Variants in USP19 observed in about 807,000 individuals in gnomAD.
USP19 encodes ubiquitin specific peptidase 19, also known as ubiquitin carboxyl-terminal hydrolase 19.
A neutral mutation model predicts 144.8 loss-of-function variants in USP19; 40 were observed. The ratio of observed to expected loss-of-function variants is 0.28; its 90% CI spans 0.21 to 0.36. The LOEUF is 0.36. Among genes scored for constraint, USP19 ranks in the 10% least tolerant of loss-of-function variants. The probability of loss-of-function intolerance (pLI) is 1.00; values close to 1 mark genes in which losing one functional copy is unlikely to be tolerated. For missense variants in USP19, 1,518 were observed against 1,822.5 expected (o/e 0.83, Z 3.04); for synonymous variants, 701 against 709.3 (o/e 0.99, Z 0.19).
At position 49,112,310 on chromosome 3, in the gene USP19, C is replaced by A. The variant is rs945253135; in HGVS notation, c.2739G>T (p.Arg913=). The A allele has an allele frequency of 3.1e-6, 5 of 1,612,914 alleles. No homozygotes were observed. Among genetic ancestry groups the A allele is most frequent in the Non-Finnish European group, 4.2e-6 (5 of 1,179,488 alleles). ...GGTTGCAGTAGCCCACACGGTAGCA[C>A]CGGGTACAGCGCTTCAGCTTTTCAT... The part of the protein sequence containing the change: ...SEDEKLKRCT[R]CYRVGYCNQL... Residue 913 remains arginine, a synonymous_variant, in exon 19 of 27, where the codon CGG becomes CGT. Transcript: ENST00000417901. The surrounding 1 kb of genome is among the most constrained non-coding windows in gnomAD (Gnocchi z 4.9).
In USP19 at chr3:49,112,297, C is replaced by T; in HGVS notation, c.2752G>A (p.Gly918Ser). ...GGGGGTCCTCACTGGTTGCAGTAGC[C>T]CACACGGTAGCACCGGGTACAGCGC... ...LKRCTRCYRV[G>S]YCNQLCQKTH... The change falls in exon 19 of 27, where the codon GGC (glycine) becomes AGC (serine). Residue 918 changes from glycine (G) to serine (S), a missense_variant. By Grantham distance (56) the Gly-to-Ser change is moderately conservative (BLOSUM62 0). This residue lies in a region of USP19 where 413 missense variants were observed against 515.8 expected (regional missense o/e 0.80). Transcript: ENST00000417901. The surrounding 1 kb of genome is among the most constrained non-coding windows in gnomAD (Gnocchi z 4.9). 6.2e-7 allele frequency: 1 copy of T among 1,610,648 alleles called. No homozygotes were observed. The highest frequency in any genetic ancestry group is 8.5e-7 in the Non-Finnish European group (1 of 1,178,498).
rs2042968427 is a variant in USP19 at position 49,110,399 on chromosome 3, A to G, written c.3860-37T>C. 1 of 1,604,442 alleles carries G rather than the reference A, an allele frequency of 6.2e-7. No homozygotes were observed. Among genetic ancestry groups the G allele is most frequent in the African/African-American group, 1.3e-5 (1 of 74,922 alleles). On this transcript the variant is annotated intron_variant, in intron 25 of 26. Transcript: ENST00000417901. This position sits in a 1 kb window ranked among gnomAD's most constrained non-coding sequence, Gnocchi z 6.1. ...TGGGAAGAGTGTGAACAAAGTCTGC[A>G]CCACCACCCCTACCACCTATCCTGC...
Position 49,119,158 on chromosome 3 carries a change from GGT to G in USP19, c.-15_-14del. The G allele has an allele frequency of 6.2e-7, 1 of 1,609,076 alleles. No individual in the cohort carries two copies. The highest frequency in any genetic ancestry group is 8.5e-7 in the Non-Finnish European group (1 of 1,178,180). ...CCCCGCCAGACATCTTGAGCCGCTT[GGT>G]CGACAGCCAGAGTGCCCCGGGGTCG... is the stretch of plus-strand genomic sequence containing the variant. On this transcript the variant is annotated 5_prime_UTR_variant, in exon 2 of 27. Transcript: ENST00000417901.
Position 49,115,149 on chromosome 3 carries a change from G to A in USP19, c.2023-32C>T, listed in dbSNP as rs1460094560. ...ACAGGAGCCAAGGTGTGAACATGAA[G>A]CCCTAGCACCCACTGCACACCCAGC... On this transcript the variant is annotated intron_variant, in intron 13 of 26. Transcript: ENST00000417901. This position sits in a 1 kb window ranked among gnomAD's most constrained non-coding sequence, Gnocchi z 6.6. The A allele has an allele frequency of 5.0e-6, 8 of 1,613,024 alleles. No individual in the cohort carries two copies. Among genetic ancestry groups the A allele is most frequent in the South Asian group, 3.3e-5 (3 of 91,066 alleles).
At chr3:49,118,919 G>T (rs2044659331) in intron 2 of USP19, 103 bp downstream of exon 2, 1 of 1,544,958 alleles carries the variant, frequency 6.5e-7, no homozygotes, top group Admixed American at 1.8e-5. Flanking sequence ...ATCAAACCAG[G>T]ACAGAGAGAA....
At position 49,115,430 on chromosome 3, in the gene USP19, G is replaced by A. The variant is rs1251059577; in HGVS notation, c.1888+14C>T. On this transcript the variant is annotated intron_variant, in intron 12 of 26. Coordinates refer to ENST00000417901, the MANE Select transcript of USP19 (RefSeq NM_001199161.2). The surrounding 1 kb of genome is among the most constrained non-coding windows in gnomAD (Gnocchi z 6.6). ...CTCTCTGCCCATAACCCAGGCTCCA[G>A]GCCCTGCCCTCACCATGGAAGAAGT... The A allele has an allele frequency of 6.2e-7, 1 of 1,613,850 alleles. No homozygotes were observed. Among genetic ancestry groups the A allele is most frequent in the Admixed American group, 1.7e-5 (1 of 60,022 alleles).
chr3:49,115,189 C>T lies in USP19; in HGVS notation c.2022+39G>A, dbSNP rs1458446178. Reference sequence around the variant, plus strand: ...GCACACCCAGCTGGCTGGCCCTCCCCGCCCCCTCCAGCCAAGGGTGACAGT... The same window carrying T: ...GCACACCCAGCTGGCTGGCCCTCCCTGCCCCCTCCAGCCAAGGGTGACAGT... On this transcript the variant is annotated intron_variant, in intron 13 of 26. Transcript: ENST00000417901. This position sits in a 1 kb window ranked among gnomAD's most constrained non-coding sequence, Gnocchi z 6.6. The T allele has an allele frequency of 5.6e-6, 9 of 1,613,016 alleles. No individual in the cohort carries two copies. The Admixed American group carries it at 6.7e-5, about 12-fold the overall frequency.
Position 49,112,185 on chromosome 3 carries a change from T to C in USP19, c.2765+99A>G. 6.5e-7 allele frequency: 1 copy of C among 1,540,084 alleles called. No individual in the cohort carries two copies. Among genetic ancestry groups the C allele is most frequent in the South Asian group, 1.2e-5 (1 of 83,454 alleles). On this transcript the variant is annotated intron_variant, in intron 19 of 26. Transcript: ENST00000417901. The surrounding 1 kb of genome is among the most constrained non-coding windows in gnomAD (Gnocchi z 4.9). ...GAGCCTGGTAAAGTAGGGTGGCAAG[T>C]AGAAAGCTTAAGCATATGTGCCTTG...
At position 49,111,213 on chromosome 3, in the gene USP19, A is replaced by G; in HGVS notation, c.3328+42T>C. ...GGTCATGCAGCTGTGGAGAACAGCCAGCTCAACCCACCCCATGGCTCCCAC... is the reference window on the plus strand; with the variant it reads ...GGTCATGCAGCTGTGGAGAACAGCCGGCTCAACCCACCCCATGGCTCCCAC... On this transcript the variant is annotated intron_variant, in intron 22 of 26. Coordinates refer to ENST00000417901, the MANE Select transcript of USP19 (RefSeq NM_001199161.2). This position sits in a 1 kb window ranked among gnomAD's most constrained non-coding sequence, Gnocchi z 5.9. The G allele has an allele frequency of 1.9e-6, 3 of 1,614,010 alleles. No individual in the cohort carries two copies. Among genetic ancestry groups the G allele is most frequent in the Non-Finnish European group, 2.5e-6 (3 of 1,179,952 alleles).
At position 49,117,871 on chromosome 3, in the gene USP19, A is replaced by T; in HGVS notation, c.299-41T>A. ...AGGTAACAGAGACCCAGCCTAATGA[A>T]ACTGCTTCAGATGGGAGCCAAATTG... On this transcript the variant is annotated intron_variant, in intron 3 of 26. Transcript: ENST00000417901. This position sits in a 1 kb window ranked among gnomAD's most constrained non-coding sequence, Gnocchi z 4.4. The T allele has an allele frequency of 6.2e-7, 1 of 1,613,594 alleles. No homozygotes were observed.
rs1267951348 is a variant in USP19 at position 49,120,737 on chromosome 3, T to C, written c.-137+19A>G. The C allele has an allele frequency of 2.1e-5, 4 of 193,938 alleles. No individual in the cohort carries two copies. Among genetic ancestry groups the C allele is most frequent in the East Asian group, 1.6e-4 (1 of 6,096 alleles). The allele number at this position is 193,938 out of a possible 1,614,324, so 12.0% of individuals were successfully genotyped here. ...CCCCGCTGCGGCCAAGCCAGCGAGTTGCAGCCTGCTCCACTCACCGAGCGA... is the reference window on the plus strand; with the variant it reads ...CCCCGCTGCGGCCAAGCCAGCGAGTCGCAGCCTGCTCCACTCACCGAGCGA... On this transcript the variant is annotated intron_variant, in intron 1 of 26. Transcript: ENST00000417901.
chr3:49,116,419 G>A lies in USP19; in HGVS notation c.1283+32C>T, dbSNP rs771798841. On this transcript the variant is annotated intron_variant, in intron 8 of 26. Transcript: ENST00000417901. The surrounding 1 kb of genome is among the most constrained non-coding windows in gnomAD (Gnocchi z 5.0). ...GCATGAGACATACTGTCCCACCTGA[G>A]GCATTGTTTGCCCCATCATCTACCC... 8 of 1,614,014 alleles carry A rather than the reference G, an allele frequency of 5.0e-6. No homozygotes were observed. In the Middle Eastern group the frequency reaches 4.9e-4, roughly 100 times the overall value.
Position 49,117,882 on chromosome 3 carries a change from A to T in USP19, c.299-52T>A, listed in dbSNP as rs1575494331. ...ACCCAGCCTAATGAAACTGCTTCAGATGGGAGCCAAATTGCAAGTGCCCCC... is the reference window on the plus strand; with the variant it reads ...ACCCAGCCTAATGAAACTGCTTCAGTTGGGAGCCAAATTGCAAGTGCCCCC... On this transcript the variant is annotated intron_variant, in intron 3 of 26. Coordinates refer to ENST00000417901, the MANE Select transcript of USP19 (RefSeq NM_001199161.2). This position sits in a 1 kb window ranked among gnomAD's most constrained non-coding sequence, Gnocchi z 4.4. The T allele has an allele frequency of 1.9e-6, 3 of 1,613,328 alleles. No individual in the cohort carries two copies. The highest frequency in any genetic ancestry group is 2.5e-6 in the Non-Finnish European group (3 of 1,179,790).
rs2043799575 is a variant in USP19 at position 49,114,737 on chromosome 3, T to A, written c.2292+26A>T. ...AGAATAGCTGAGCTGAACTAGGGGG[T>A]CTCTTTCCAGGGGAGCCCATCACAC... On this transcript the variant is annotated intron_variant, in intron 15 of 26. Coordinates refer to ENST00000417901, the MANE Select transcript of USP19 (RefSeq NM_001199161.2). This position sits in a 1 kb window ranked among gnomAD's most constrained non-coding sequence, Gnocchi z 4.5. 5.6e-6 allele frequency: 9 copies of A among 1,610,376 alleles called. No individual in the cohort carries two copies. Among genetic ancestry groups the A allele is most frequent in the Non-Finnish European group, 7.6e-6 (9 of 1,177,136 alleles).
Position 49,112,101 on chromosome 3 carries a change from C to G in USP19, c.2766-53G>C. ...GCCCTTAGCCCCATCTCCTATGACT[C>G]CATACTGGGGGCTAGTCATAGTCCC... On this transcript the variant is annotated intron_variant, in intron 19 of 26. Coordinates refer to ENST00000417901, the MANE Select transcript of USP19 (RefSeq NM_001199161.2). This position sits in a 1 kb window ranked among gnomAD's most constrained non-coding sequence, Gnocchi z 4.9. 1 of 1,599,926 alleles carries G rather than the reference C, an allele frequency of 6.3e-7. No individual in the cohort carries two copies. The highest frequency in any genetic ancestry group is 8.5e-7 in the Non-Finnish European group (1 of 1,172,004).
At chr3:49,118,794 T>A (rs1392355813) in intron 2 of USP19, among the ~76,000 whole-genome samples, 1 of 151,770 alleles carries the variant, frequency 6.6e-6, no homozygotes, top group African/African-American at 2.4e-5. Context: ...GAAAAAAGTT[T>A]AAAAAGGAAA....
intron 26 of USP19, chr3:49,109,109 C>T (rs1559981812): frequency 1.9e-6 from 3 of 1,570,524 alleles, no homozygotes; most frequent in South Asian, 2.3e-5. Flanking sequence ...GTCTTGGGGC[C>T]CCCAGGGACC....
intron 2 of USP19, 151 bp downstream of exon 2, chr3:49,118,871 G>T: frequency 1.7e-6 from 2 of 1,167,864 alleles, no homozygotes; most frequent in Non-Finnish European, 2.4e-6. Flanking sequence ...CAAAGCTGAG[G>T]CTCTACTGAG....
At chr3:49,113,295 G>A (rs2107371071) in intron 17 of USP19, among the ~76,000 whole-genome samples, 1 of 152,002 alleles carries the variant, frequency 6.6e-6, no homozygotes, top group South Asian at 2.1e-4. Flanking sequence ...TTTTATTTTT[G>A]AGACAGAGTC....
Sources: allele counts gnomAD v4.1 joint callset (sites outside exome capture counted in the v4.1 genomes callset), GRCh38; gene constraint gnomAD v4.1.1; regional missense constraint gnomAD v4.1.1; non-coding constraint Gnocchi (gnomAD v3.1); transcripts MANE v1.5; gene names NCBI Gene and HGNC (gene_info 2026-07-23, HGNC 2026-07-21).